Variants in JPH2 observed in about 807,000 individuals in gnomAD.
JPH2 encodes junctophilin-2.
In JPH2, 38 loss-of-function variants were observed where a neutral mutation model predicts 55.9. That is an observed-to-expected ratio of 0.68 (90% CI 0.52 to 0.89). The LOEUF (loss-of-function observed/expected upper bound fraction) is 0.89. Ranked by LOEUF, JPH2 falls within the 40% of genes least tolerant of loss-of-function variation. JPH2 has a pLI of 0.00. For missense variants in JPH2, 964 were observed against 1,037.6 expected (o/e 0.93, Z 0.97); for synonymous variants, 480 against 472.4 (o/e 1.02, Z -0.21).
At chr20:44,162,978 T>G (rs1263367874) in intron 1 of JPH2, among the ~76,000 whole-genome samples, 2 of 151,550 alleles carry the variant, frequency 1.3e-5, no homozygotes, top group Non-Finnish European at 2.9e-5. Context: ...CCACAAAATT[T>G]TTTCCAAAAT....
intron 2 of JPH2, among the ~76,000 whole-genome samples, chr20:44,127,051 T>C (rs1459896970): frequency 6.6e-6 from 1 of 152,256 alleles, no homozygotes; most frequent in Non-Finnish European, 1.5e-5. Flanking sequence ...CAGCATTCAC[T>C]TCCAAAATTC....
Position 44,155,086 on chromosome 20 carries a change from C to T in JPH2, c.1169+4532G>A, listed in dbSNP as rs552446269. Among the ~76,000 whole-genome samples, 9 of 152,298 alleles carry T rather than the reference C, an allele frequency of 5.9e-5. No individual in the cohort carries two copies. In the South Asian group the frequency reaches 1.2e-3, roughly 21 times the overall value. ...GGGCAAGGAAAATAAGGGGGCATCCCTCCTTCTCCCCAGACTTCCACTTCC... is the reference window on the plus strand; with the variant it reads ...GGGCAAGGAAAATAAGGGGGCATCCTTCCTTCTCCCCAGACTTCCACTTCC... On this transcript the variant is annotated intron_variant, in intron 2 of 5. Transcript: ENST00000372980.
At position 44,109,238 on chromosome 20, in the gene JPH2, C is replaced by T. The variant is rs747310841; in HGVS notation, c.*4280G>A. 3.3e-5 allele frequency among the ~76,000 whole-genome samples: 5 copies of T among 152,192 alleles called. No individual in the cohort carries two copies. The highest frequency in any genetic ancestry group is 4.8e-5 in the African/African-American group (2 of 41,432). ...CTCCATCTCCCCAAGGCTCAATTTT[C>T]CTCATCTGCAAAATGGGTGGACGAA... On this transcript the variant is annotated 3_prime_UTR_variant, in exon 6 of 6. Transcript: ENST00000372980.
At chr20:44,148,602 T>G (rs1303978225) in intron 2 of JPH2, among the ~76,000 whole-genome samples, 1 of 152,222 alleles carries the variant, frequency 6.6e-6, no homozygotes, top group Non-Finnish European at 1.5e-5. Context: ...CGACCCGAGC[T>G]GCCGCGTGGC....
chr20:44,128,448 A>G (rs1371554398), intron 2 of JPH2, among the ~76,000 whole-genome samples: 1 of 152,180 alleles, frequency 6.6e-6, no homozygotes, highest in Non-Finnish European at 1.5e-5. Flanking sequence ...AGAGTCTGCT[A>G]AGAGAGACAA....
Position 44,110,428 on chromosome 20 carries a change from GT to G in JPH2, c.*3089del, listed in dbSNP as rs76182424. 0.12 allele frequency among the ~76,000 whole-genome samples: 17,050 copies of G among 147,190 alleles called. 1,291 individuals carry two copies. Among genetic ancestry groups the G allele is most frequent in the African/African-American group, 0.23 (9,229 of 40,348 alleles). ...ATTCCAGAGTTTTGAAAACTTTTGT[GT>G]TTTTTTTTTTTTCCAGATGGAGTCT... is the stretch of plus-strand genomic sequence containing the variant. On this transcript the variant is annotated 3_prime_UTR_variant, in exon 6 of 6. Transcript: ENST00000372980.
chr20:44,170,544 A>C (rs1220466861), intron 1 of JPH2, among the ~76,000 whole-genome samples: 1 of 152,208 alleles, frequency 6.6e-6, no homozygotes, highest in Non-Finnish European at 1.5e-5. Flanking sequence ...CCAAGATCAG[A>C]CCAGGTGAAC....
At position 44,134,093 on chromosome 20, in the gene JPH2, T is replaced by TATATTTATTATAAATATATAAATAA. The variant is rs1569192797; in HGVS notation, c.1170-15495_1170-15471dup. Among the ~76,000 whole-genome samples the TATATTTATTATAAATATATAAATAA allele has an allele frequency of 7.4e-4, 18 of 24,238 alleles. 4 individuals carry two copies. Among genetic ancestry groups the TATATTTATTATAAATATATAAATAA allele is most frequent in the Non-Finnish European group, 1.0e-3 (16 of 15,606 alleles). 15.9% of individuals were successfully genotyped at this position (24,238 alleles called of 152,430 possible). A position where few individuals can be genotyped will look rare whatever the true frequency, so the allele number is the denominator to read the frequency against. ...TATAAATATATATTTATTATAAATATATATTTATTATAAATATATAAATAA... is the reference window on the plus strand; with the variant it reads ...TATAAATATATATTTATTATAAATATATATTTATTATAAATATATAAATAAATATTTATTATAAATATATAAATAA... On this transcript the variant is annotated intron_variant, in intron 2 of 5. Coordinates refer to ENST00000372980, the MANE Select transcript of JPH2 (RefSeq NM_020433.5).
chr20:44,176,897 C>T (rs1396597518), intron 1 of JPH2: 1 of 985,314 alleles, frequency 1.0e-6, no homozygotes, highest in African/African-American at 1.7e-5. Flanking sequence ...CCCCTGCAGG[C>T]TGCATGCAGC....
At chr20:44,146,782 T>C (rs2072496770) in intron 2 of JPH2, among the ~76,000 whole-genome samples, 1 of 152,112 alleles carries the variant, frequency 6.6e-6, no homozygotes, top group Admixed American at 6.6e-5. Context: ...ATTTTTTGAG[T>C]TTGGCAAAGA....
In JPH2 at chr20:44,116,220, C is replaced by T. The variant is rs1471351418; in HGVS notation, c.1455G>A (p.Pro485=). The stretch of plus-strand genomic sequence containing the variant: ...GCTGCGGGGGCGTCCCGGCCGGTGA[C>T]GGGGAGCCACCCTCGGGCCGAGGGG... ...RETPRPEGGS[P]SPAGTPPQPK... Residue 485 remains proline, a synonymous_variant, in exon 4 of 6, where the codon CCG becomes CCA. Transcript: ENST00000372980. 2.9e-6 allele frequency: 4 copies of T among 1,399,000 alleles called. No individual in the cohort carries two copies. The highest frequency in any genetic ancestry group is 3.1e-5 in the African/African-American group (2 of 65,542). The allele number at this position is 1,399,000 out of a possible 1,614,324, so 86.7% of individuals were successfully genotyped here.
Position 44,160,116 on chromosome 20 carries a change from C to A in JPH2, c.671G>T (p.Gly224Val). The A allele has an allele frequency of 6.6e-7, 1 of 1,517,570 alleles. No homozygotes were observed. The highest frequency in any genetic ancestry group is 8.8e-7 in the Non-Finnish European group (1 of 1,138,322). 94.0% of individuals were successfully genotyped at this position (1,517,570 alleles called of 1,614,324 possible). A position where few individuals can be genotyped will look rare whatever the true frequency, so the allele number is the denominator to read the frequency against. Reference protein sequence around the residue: ...APKGGGLFQRGALLGKLRRAE... With the variant: ...APKGGGLFQRVALLGKLRRAE... ...GCGCCGCAGCTTGCCCAGCAGCGCG[C>A]CCCGCTGGAAGAGGCCGCCGCCCTT... is the stretch of plus-strand genomic sequence containing the variant. The change falls in exon 2 of 6, where the codon GGC (glycine) becomes GTC (valine). Residue 224 changes from glycine to valine, a missense_variant. Transcript: ENST00000372980. The surrounding 1 kb of genome is among the most constrained non-coding windows in gnomAD (Gnocchi z 4.9).
At chr20:44,123,321 C>T (rs906381947) in intron 2 of JPH2, among the ~76,000 whole-genome samples, 2 of 152,134 alleles carry the variant, frequency 1.3e-5, no homozygotes, top group African/African-American at 2.4e-5. Context: ...CTGGTCTCTC[C>T]GGCTCCCTTT....
chr20:44,135,489 A>G (rs1346993519), intron 2 of JPH2, among the ~76,000 whole-genome samples: 1 of 152,114 alleles, frequency 6.6e-6, no homozygotes, highest in Non-Finnish European at 1.5e-5. Flanking sequence ...CTCATCCTTC[A>G]GGACCCTTCC....
At chr20:44,150,380 A>G (rs1481721254) in intron 2 of JPH2, among the ~76,000 whole-genome samples, 1 of 152,246 alleles carries the variant, frequency 6.6e-6, no homozygotes, top group Non-Finnish European at 1.5e-5. Flanking sequence ...CACTGAAAAA[A>G]GTTAAAGACT....
intron 2 of JPH2, among the ~76,000 whole-genome samples, chr20:44,150,905 C>A (rs1201773197): frequency 6.6e-6 from 1 of 152,136 alleles, no homozygotes; most frequent in African/African-American, 2.4e-5. Flanking sequence ...TGGCATGCAC[C>A]TGTAGCCCCA....
intron 2 of JPH2, among the ~76,000 whole-genome samples, chr20:44,124,097 C>G (rs750293577): frequency 6.6e-6 from 1 of 152,108 alleles, no homozygotes; most frequent in African/African-American, 2.4e-5. Context: ...TGATTTCGTT[C>G]GGATTAACTT....
chr20:44,152,794 G>A (rs937075474), intron 2 of JPH2, among the ~76,000 whole-genome samples: 19 of 152,180 alleles, frequency 1.2e-4, no homozygotes, highest in Admixed American at 2.6e-4. Flanking sequence ...AAAGGCCTCC[G>A]TGGGTGCCTA....
intron 2 of JPH2, among the ~76,000 whole-genome samples, chr20:44,134,234 A>ATATATAAATATT (rs1569193298): frequency 2.2e-5 from 1 of 46,428 alleles, no homozygotes; most frequent in East Asian, 5.4e-4. Context: ...ATATATATAA[A>ATATATAAATATT]TATTTATTAT....
Sources: gnomAD v4.1 joint callset for allele counts (sites outside exome capture counted in the v4.1 genomes callset) on GRCh38, gnomAD v4.1.1 for gene constraint, Gnocchi (gnomAD v3.1) non-coding constraint, MANE v1.5 for transcripts, NCBI Gene and HGNC (gene_info 2026-07-23, HGNC 2026-07-21) for gene names.